SORD: variants seen among roughly 807,000 people sequenced by gnomAD.
SORD encodes sorbitol dehydrogenase, also known as (R,R)-butanediol dehydrogenase.
SORD carries 18 observed loss-of-function variants against 35.6 expected under a neutral mutation model. That is an observed-to-expected ratio of 0.51 (90% CI 0.35 to 0.75). SORD has a LOEUF of 0.75. Ranked by LOEUF, SORD falls within the 30% of genes least tolerant of loss-of-function variation. SORD has a pLI of 0.01. For missense variants in SORD, 250 were observed against 390.2 expected (o/e 0.64, Z 3.03); for synonymous variants, 106 against 152.9 (o/e 0.69, Z 2.26).
chr15:45,035,525 C>T (rs1892849995), intron 1 of SORD, among the ~76,000 whole-genome samples: 1 of 152,068 alleles, frequency 6.6e-6, no homozygotes, highest in Non-Finnish European at 1.5e-5. Flanking sequence ...CAATCAGCAC[C>T]CTGTCAAAAC....
At chr15:45,061,298 G>A (rs984231300) in intron 4 of SORD, 72 bp downstream of exon 4, 10 of 1,514,892 alleles carry the variant, frequency 6.6e-6, no homozygotes, top group Admixed American at 1.8e-5. Flanking sequence ...GTTTCCTGTG[G>A]TTATTTCTTT....
At chr15:45,048,778 C>G (rs72489222) in intron 3 of SORD, among the ~76,000 whole-genome samples, 1 of 151,948 alleles carries the variant, frequency 6.6e-6, no homozygotes, top group African/African-American at 2.4e-5. Context: ...TCAGCAGCAG[C>G]GGGGGTGGAG....
At chr15:45,069,651 T>C (rs1379131897) in intron 7 of SORD, among the ~76,000 whole-genome samples, 1 of 152,154 alleles carries the variant, frequency 6.6e-6, no homozygotes, top group Non-Finnish European at 1.5e-5. Context: ...ATGATCATAT[T>C]TGTTAAAAGT....
intron 1 of SORD, among the ~76,000 whole-genome samples, chr15:45,027,249 C>A (rs75416971): frequency 0.2 from 30,346 of 149,150 alleles, no homozygotes; most frequent in African/African-American, 0.44. Context: ...CAAACAGTGT[C>A]AGCTTGCTGG....
chr15:45,053,802 A>G (rs1489263858), intron 3 of SORD, among the ~76,000 whole-genome samples: 8 of 98,480 alleles, frequency 8.1e-5, no homozygotes, highest in Admixed American at 3.2e-4. Flanking sequence ...CCATCCCCCC[A>G]CCCCACCACA....
At chr15:45,035,257 G>C (rs1200394389) in intron 1 of SORD, among the ~76,000 whole-genome samples, 1 of 152,194 alleles carries the variant, frequency 6.6e-6, no homozygotes, top group East Asian at 1.9e-4. Flanking sequence ...TCCACCTGCA[G>C]CCCCAGTGCG....
chr15:45,056,432 A>C (rs925657093), intron 3 of SORD, among the ~76,000 whole-genome samples: 3 of 152,202 alleles, frequency 2.0e-5, no homozygotes, highest in African/African-American at 7.2e-5. Flanking sequence ...CTTACAAGGG[A>C]CGTGAAGGAC....
At chr15:45,032,706 T>C (rs1237305184) in intron 1 of SORD, among the ~76,000 whole-genome samples, 1 of 152,200 alleles carries the variant, frequency 6.6e-6, no homozygotes, top group Non-Finnish European at 1.5e-5. Context: ...GAGCTTGGGC[T>C]GGAGACCAGC....
At chr15:45,055,287 A>G (rs1595503956) in intron 3 of SORD, among the ~76,000 whole-genome samples, 2 of 152,354 alleles carry the variant, frequency 1.3e-5, no homozygotes, top group Middle Eastern at 6.8e-3. Context: ...AATAGATGCA[A>G]TAAAAAATGA....
intron 5 of SORD, 120 bp downstream of exon 5, chr15:45,065,509 G>T: frequency 6.8e-7 from 1 of 1,465,352 alleles, no homozygotes; most frequent in Non-Finnish European, 9.1e-7. Flanking sequence ...GGGTAAGGGA[G>T]GATTGCAGTG....
At chr15:45,024,454 ACT>A (rs937686450) in intron 1 of SORD, among the ~76,000 whole-genome samples, 23 of 151,470 alleles carry the variant, frequency 1.5e-4, no homozygotes, top group African/African-American at 5.1e-4. Flanking sequence ...GTCCCAGCTG[ACT>A]CTCCATCTCC....
At chr15:45,049,380 C>G (rs1277586440) in intron 3 of SORD, among the ~76,000 whole-genome samples, 1 of 152,066 alleles carries the variant, frequency 6.6e-6, no homozygotes, top group Non-Finnish European at 1.5e-5. Context: ...ATCTAAGGGT[C>G]CTCAGAAGAA....
chr15:45,062,204 C>T (rs1215467496), intron 4 of SORD, among the ~76,000 whole-genome samples: 1 of 152,184 alleles, frequency 6.6e-6, no homozygotes, highest in Non-Finnish European at 1.5e-5. Context: ...TTAACCAAGG[C>T]AGAAGGAAGC....
chr15:45,053,586 T>A (rs927705833), intron 3 of SORD, among the ~76,000 whole-genome samples: 1 of 152,232 alleles, frequency 6.6e-6, no homozygotes, highest in African/African-American at 2.4e-5. Flanking sequence ...TTGTTTACAA[T>A]TTATGACAGG....
At chr15:45,057,019 C>T (rs1180118350) in intron 3 of SORD, among the ~76,000 whole-genome samples, 1 of 152,202 alleles carries the variant, frequency 6.6e-6, no homozygotes, top group East Asian at 1.9e-4. Context: ...CAGAAGTGTT[C>T]CTTTAGACAG....
intron 3 of SORD, among the ~76,000 whole-genome samples, chr15:45,050,270 A>T (rs1199933504): frequency 1.3e-5 from 2 of 152,114 alleles, no homozygotes; most frequent in African/African-American, 2.4e-5. Flanking sequence ...TTTAGTAGAG[A>T]TGGGGTTTCA....
At chr15:45,045,192 A>C (rs1177691362) in intron 3 of SORD, among the ~76,000 whole-genome samples, 1 of 152,118 alleles carries the variant, frequency 6.6e-6, no homozygotes, top group Non-Finnish European at 1.5e-5. Context: ...CATACTTGAG[A>C]AAGGTTTTAT....
At chr15:45,029,985 G>C (rs1892749122) in intron 1 of SORD, among the ~76,000 whole-genome samples, 2 of 152,238 alleles carry the variant, frequency 1.3e-5, no homozygotes, top group African/African-American at 4.8e-5. Context: ...CCATGCAAAG[G>C]TGGGCAAAAC....
rs747847507 is a variant in SORD at position 45,069,018 on chromosome 15, C to G, written c.752C>G (p.Thr251Arg). Reference protein sequence around the residue: ...GCKPEVTIECTGAEASIQAGI... With the variant: ...GCKPEVTIECRGAEASIQAGI... ...AAGCCGGAAGTCACCATCGAGTGCA[C>G]GGGGGCAGAGGCCTCCATCCAGGCG... The change falls in exon 7 of 9, where the codon ACG becomes AGG. Residue 251 changes from threonine (T) to arginine (R), a missense_variant. Thr to Arg is a moderately conservative substitution (Grantham distance 71). Transcript: ENST00000267814. The G allele has an allele frequency of 1.9e-6, 3 of 1,610,580 alleles. No homozygotes were observed. The highest frequency in any genetic ancestry group is 3.3e-5 in the Admixed American group (2 of 59,782).
Sources: gnomAD v4.1 joint callset for allele counts (sites outside exome capture counted in the v4.1 genomes callset) on GRCh38, gnomAD v4.1.1 for gene constraint, MANE v1.5 for transcripts, NCBI Gene and HGNC (gene_info 2026-07-23, HGNC 2026-07-21) for gene names.